The following DPP10 variants were observed in gnomAD, a reference collection of about 807,000 sequenced individuals.
DPP10 encodes the protein dipeptidyl peptidase like 10, also known as inactive dipeptidyl peptidase 10.
In DPP10, 33 loss-of-function variants were observed where a neutral mutation model predicts 120.9. The ratio of observed to expected loss-of-function variants is 0.27; its 90% CI spans 0.21 to 0.37. The LOEUF (loss-of-function observed/expected upper bound fraction) is 0.37. Among genes scored for constraint, DPP10 ranks in the 10% least tolerant of loss-of-function variants. The pLI is 1.00. For missense variants in DPP10, 816 were observed against 942.8 expected (o/e 0.87, Z 1.76); for synonymous variants, 337 against 326.1 (o/e 1.03, Z -0.36).
intron 1 of DPP10, among the ~76,000 whole-genome samples, chr2:115,245,302 A>T (rs1454652694): frequency 1.3e-5 from 2 of 152,122 alleles, no homozygotes; most frequent in African/African-American, 4.8e-5. Context: ...TAACCTCATC[A>T]AAACATGGGC....
chr2:115,695,516 G>A (rs2091536429), intron 7 of DPP10, among the ~76,000 whole-genome samples: 1 of 152,102 alleles, frequency 6.6e-6, no homozygotes, highest in Non-Finnish European at 1.5e-5. Flanking sequence ...GCATGTGCAA[G>A]AGAACTCCCC....
At chr2:115,701,191 A>G (rs2091872838) in intron 7 of DPP10, among the ~76,000 whole-genome samples, 1 of 152,150 alleles carries the variant, frequency 6.6e-6, no homozygotes, top group South Asian at 2.1e-4. Context: ...AAAACTTACT[A>G]CAATGTATAG....
At chr2:115,362,891 G>A in intron 3 of DPP10, among the ~76,000 whole-genome samples, 1 of 152,086 alleles carries the variant, frequency 6.6e-6, no homozygotes. Flanking sequence ...GATTTGATTG[G>A]CCATATGGAG....
intron 3 of DPP10, among the ~76,000 whole-genome samples, chr2:115,390,274 AATC>A (rs1327869984): frequency 2.0e-5 from 3 of 152,222 alleles, no homozygotes; most frequent in South Asian, 4.1e-4. Flanking sequence ...GCTGAAATAT[AATC>A]ATCCAACGAA....
At chr2:115,204,533 G>A (rs1032862448) in intron 1 of DPP10, among the ~76,000 whole-genome samples, 1 of 152,116 alleles carries the variant, frequency 6.6e-6, no homozygotes, top group Non-Finnish European at 1.5e-5. Context: ...AACTCTAATA[G>A]CAAAACAACC....
At chr2:114,819,031 G>A (rs989918449) in intron 1 of DPP10, among the ~76,000 whole-genome samples, 1 of 151,856 alleles carries the variant, frequency 6.6e-6, no homozygotes, top group African/African-American at 2.4e-5. Context: ...GCATAGTTTT[G>A]GTCCACTAAG....
intron 4 of DPP10, among the ~76,000 whole-genome samples, chr2:115,515,452 A>G (rs1262364793): frequency 6.6e-6 from 1 of 152,052 alleles, no homozygotes; most frequent in African/African-American, 2.4e-5. Flanking sequence ...TAATTATGAG[A>G]GAGGTTGAGA....
At chr2:115,510,620 G>A (rs1310935815) in intron 4 of DPP10, among the ~76,000 whole-genome samples, 1 of 152,000 alleles carries the variant, frequency 6.6e-6, no homozygotes, top group East Asian at 1.9e-4. Context: ...TTGGATTTCT[G>A]TGTCCCTTAC....
At chr2:115,581,127 G>C (rs2081982248) in intron 5 of DPP10, among the ~76,000 whole-genome samples, 1 of 152,128 alleles carries the variant, frequency 6.6e-6, no homozygotes, top group Non-Finnish European at 1.5e-5. Flanking sequence ...GTCTTTTAGA[G>C]TTTTACATTC....
chr2:115,637,920 G>A (rs989762405), intron 5 of DPP10, among the ~76,000 whole-genome samples: 1 of 152,130 alleles, frequency 6.6e-6, no homozygotes, highest in Non-Finnish European at 1.5e-5. Flanking sequence ...TCAAATATAA[G>A]TTCAGAGTGA....
chr2:115,788,929 TAA>T (rs1409899124), intron 17 of DPP10, among the ~76,000 whole-genome samples: 1 of 152,026 alleles, frequency 6.6e-6, no homozygotes, highest in Non-Finnish European at 1.5e-5. Flanking sequence ...CCATCCTGGC[TAA>T]CACGGTGAAA....
At chr2:114,827,442 T>C (rs531176560) in intron 1 of DPP10, among the ~76,000 whole-genome samples, 185 of 152,300 alleles carry the variant, frequency 1.2e-3, no homozygotes, top group African/African-American at 4.2e-3. Flanking sequence ...TGACCATGAC[T>C]CATGGGGACA....
chr2:114,751,855 A>G (rs917397743), intron 1 of DPP10, among the ~76,000 whole-genome samples: 1 of 152,178 alleles, frequency 6.6e-6, no homozygotes, highest in African/African-American at 2.4e-5. Flanking sequence ...CCTTGACTCT[A>G]CACCAGTACT....
intron 1 of DPP10, among the ~76,000 whole-genome samples, chr2:114,974,759 T>A (rs1699641119): frequency 6.6e-6 from 1 of 152,086 alleles, no homozygotes; most frequent in Non-Finnish European, 1.5e-5. Flanking sequence ...ACCTTCAAGG[T>A]TTGTGTAAGT....
intron 1 of DPP10, among the ~76,000 whole-genome samples, chr2:115,284,389 C>G (rs1249734675): frequency 2.6e-5 from 4 of 151,928 alleles, no homozygotes; most frequent in Non-Finnish European, 5.9e-5. Flanking sequence ...TTCAAAAGCC[C>G]TAGTAATTTT....
At chr2:115,588,525 A>C (rs916153156) in intron 5 of DPP10, among the ~76,000 whole-genome samples, 3 of 152,184 alleles carry the variant, frequency 2.0e-5, no homozygotes, top group African/African-American at 7.2e-5. Flanking sequence ...GATCTTCCAA[A>C]GCAGGTGAAG....
chr2:114,991,343 C>T (rs1700745006), intron 1 of DPP10, among the ~76,000 whole-genome samples: 1 of 152,056 alleles, frequency 6.6e-6, no homozygotes, highest in African/African-American at 2.4e-5. Flanking sequence ...AAGGCATTGG[C>T]CTAAAAAGGA....
At chr2:114,820,002 T>A (rs888909135) in intron 1 of DPP10, among the ~76,000 whole-genome samples, 4 of 152,250 alleles carry the variant, frequency 2.6e-5, no homozygotes, top group African/African-American at 9.6e-5. Context: ...TATGCTATAG[T>A]GCTTTGACCT....
At chr2:115,085,598 A>G (rs1708626480) in intron 1 of DPP10, among the ~76,000 whole-genome samples, 1 of 152,188 alleles carries the variant, frequency 6.6e-6, no homozygotes, top group African/African-American at 2.4e-5. Flanking sequence ...GGAAAATCAG[A>G]AGCAGGTAGT....
Sources: gnomAD v4.1 joint callset for allele counts (sites outside exome capture counted in the v4.1 genomes callset) on GRCh38, gnomAD v4.1.1 for gene constraint, MANE v1.5 for transcripts, NCBI Gene and HGNC (gene_info 2026-07-23, HGNC 2026-07-21) for gene names.